ATXN8OS: variants seen among roughly 807,000 people sequenced by gnomAD.
ATXN8OS encodes ATXN8 opposite strand (non-protein coding).
intron 3 of ATXN8OS, among the ~76,000 whole-genome samples, chr13:70,140,534 A>AC (rs1555300643): frequency 0.17 from 4,673 of 27,536 alleles, 107 homozygotes; most frequent in Admixed American, 0.25. Flanking sequence ...ACACACACAC[A>AC]AAAAAAAAAA....
At chr13:70,128,860 T>A (rs1471605707) in intron 2 of ATXN8OS, among the ~76,000 whole-genome samples, 2 of 28,632 alleles carry the variant, frequency 7.0e-5, no homozygotes, top group African/African-American at 3.1e-4. Context: ...CCCCCCACCT[T>A]TTTTTTTTTT....
At chr13:70,151,755 CT>C (rs1888870108) in intron 4 of ATXN8OS, among the ~76,000 whole-genome samples, 1 of 151,998 alleles carries the variant, frequency 6.6e-6, no homozygotes, top group East Asian at 1.9e-4. Context: ...AAGAATTTAA[CT>C]TTATATATGT....
chr13:70,130,974 C>A (rs761856752), intron 3 of ATXN8OS: 3 of 398,240 alleles, frequency 7.5e-6, no homozygotes, highest in Non-Finnish European at 8.9e-6. Flanking sequence ...AGGGAAATTG[C>A]GCTTATTGGG....
chr13:70,112,920 A>ATATATATATAT (rs1555298511), intron 1 of ATXN8OS, among the ~76,000 whole-genome samples: 8 of 87,588 alleles, frequency 9.1e-5, no homozygotes, highest in Non-Finnish European at 1.5e-4. Context: ...TATATATATA[A>ATATATATATAT]TTTTTTTTTT....
chr13:70,116,581 T>C (rs115323270), intron 2 of ATXN8OS, among the ~76,000 whole-genome samples: 2 of 152,116 alleles, frequency 1.3e-5, no homozygotes, highest in East Asian at 3.9e-4. Context: ...AGATACCAGA[T>C]CACTTACAGG....
chr13:70,152,412 T>C (rs1170927985), intron 4 of ATXN8OS, among the ~76,000 whole-genome samples: 1 of 151,986 alleles, frequency 6.6e-6, no homozygotes, highest in Non-Finnish European at 1.5e-5. Flanking sequence ...CATACAAGTA[T>C]ACATATATAC....
At chr13:70,133,828 A>C (rs1386025941) in intron 3 of ATXN8OS, among the ~76,000 whole-genome samples, 2 of 152,122 alleles carry the variant, frequency 1.3e-5, no homozygotes, top group Non-Finnish European at 2.9e-5. Flanking sequence ...TAGCCTCCAC[A>C]ACTACAACTA....
At chr13:70,136,276 C>T (rs1408856161) in intron 3 of ATXN8OS, among the ~76,000 whole-genome samples, 1 of 152,082 alleles carries the variant, frequency 6.6e-6, no homozygotes, top group Non-Finnish European at 1.5e-5. Flanking sequence ...CGTTATATAG[C>T]AACTCAAAGT....
chr13:70,109,057 T>A (rs1021315467), intron 1 of ATXN8OS, among the ~76,000 whole-genome samples: 5 of 152,128 alleles, frequency 3.3e-5, no homozygotes, highest in Admixed American at 2.6e-4. Context: ...AAATCAAGAA[T>A]GGAATAAAAT....
chr13:70,171,623 T>C (rs1297808908), exon 5 of ATXN8OS, among the ~76,000 whole-genome samples: 1 of 152,140 alleles, frequency 6.6e-6, no homozygotes, highest in Non-Finnish European at 1.5e-5. Context: ...ATATGCAGTT[T>C]GTAGTTGACT....
rs879063589 is a variant in ATXN8OS, at chr13:70,139,377, A to ACTGCTGCTGCTGCTGCTG, written n.500-7976_500-7975insGCTGCTGCTGCTGCTGCT. On this transcript the variant is annotated intron_variant and non_coding_transcript_variant, in intron 3 of 4. Transcript: ENST00000678624. ...TACTACTACTACTACTACTACTACTACTACTACTGCTGCTGCTGCTGCTGC... is the reference window on the plus strand; with the variant it reads ...TACTACTACTACTACTACTACTACTACTGCTGCTGCTGCTGCTGCTACTACTGCTGCTGCTGCTGCTGC... 236 of 646,082 alleles carry ACTGCTGCTGCTGCTGCTG rather than the reference A, an allele frequency of 3.7e-4. 3 individuals are homozygous for ACTGCTGCTGCTGCTGCTG. The highest frequency in any genetic ancestry group is 1.9e-3 in the East Asian group (60 of 32,278). 40.0% of individuals were successfully genotyped at this position (646,082 alleles called of 1,614,324 possible). A position where few individuals can be genotyped will look rare whatever the true frequency, so the allele number is the denominator to read the frequency against.
intron 3 of ATXN8OS, among the ~76,000 whole-genome samples, chr13:70,137,226 T>C (rs537180735): frequency 6.6e-6 from 1 of 152,338 alleles, no homozygotes; most frequent in African/African-American, 2.4e-5. Flanking sequence ...TTCAGCGGAA[T>C]CGCTCCTTAA....
rs1165537363 is a variant in ATXN8OS, at chr13:70,160,786, T to A, written n.574-8967T>A. 6.1e-4 allele frequency among the ~76,000 whole-genome samples: 46 copies of A among 75,124 alleles called. 3 individuals are homozygous for A. The highest frequency in any genetic ancestry group is 1.1e-3 in the Non-Finnish European group (34 of 31,006). 49.3% of individuals were successfully genotyped at this position (75,124 alleles called of 152,430 possible). On this transcript the variant is annotated intron_variant and non_coding_transcript_variant, in intron 4 of 4. Transcript: ENST00000678624. ...ATATAATATGTAAATATATAAATAT[T>A]TATTTATAAATATATTTATTATAAA...
intron 4 of ATXN8OS, among the ~76,000 whole-genome samples, chr13:70,162,672 A>G (rs1477614187): frequency 6.6e-6 from 1 of 152,040 alleles, no homozygotes; most frequent in Non-Finnish European, 1.5e-5. Context: ...TAGGCAAAAT[A>G]TTAGGCCTCA....
At chr13:70,164,055 C>T (rs2498506) in intron 4 of ATXN8OS, among the ~76,000 whole-genome samples, 6 of 29,090 alleles carry the variant, frequency 2.1e-4, no homozygotes, top group African/African-American at 4.9e-4. Flanking sequence ...AGTTTTTATT[C>T]TTATTATTAT....
chr13:70,121,854 G>A (rs1027765154), intron 2 of ATXN8OS, among the ~76,000 whole-genome samples: 2 of 151,942 alleles, frequency 1.3e-5, no homozygotes, highest in African/African-American at 4.8e-5. Context: ...GAAGAAGGAG[G>A]AATGTTATGT....
At chr13:70,109,686 ATTTT>A (rs1186164724) in intron 1 of ATXN8OS, among the ~76,000 whole-genome samples, 1 of 152,126 alleles carries the variant, frequency 6.6e-6, no homozygotes, top group Non-Finnish European at 1.5e-5. Context: ...GTATTCAGTG[ATTTT>A]TTGTTTGTTT....
At chr13:70,136,466 T>C (rs1888616423) in intron 3 of ATXN8OS, among the ~76,000 whole-genome samples, 2 of 151,622 alleles carry the variant, frequency 1.3e-5, no homozygotes, top group South Asian at 2.1e-4. Flanking sequence ...ATAAAATTTG[T>C]ATAATATTAA....
chr13:70,169,344 T>TTGTCATGTCACCTTGCCATGTCACCA (rs1889116669), intron 4 of ATXN8OS, among the ~76,000 whole-genome samples: 1 of 152,124 alleles, frequency 6.6e-6, no homozygotes, highest in East Asian at 1.9e-4. Flanking sequence ...TCACCCAGGC[T>TTGTCATGTCACCTTGCCATGTCACCA]GGAGTGCAAT....
Sources: allele counts gnomAD v4.1 joint callset (sites outside exome capture counted in the v4.1 genomes callset), GRCh38; gene constraint gnomAD v4.1.1; transcripts MANE v1.5; gene names NCBI Gene and HGNC (gene_info 2026-07-23, HGNC 2026-07-21).